The following BIRC3 variants were observed in gnomAD, a reference collection of about 807,000 sequenced individuals.
The protein encoded by BIRC3 is baculoviral IAP repeat-containing protein 3.
BIRC3 carries 26 observed loss-of-function variants against 59.0 expected under a neutral mutation model. That is an observed-to-expected ratio of 0.44 (90% CI 0.32 to 0.61). The LOEUF is 0.61. Among genes scored for constraint, BIRC3 ranks in the 20% least tolerant of loss-of-function variants. The pLI is 0.04. For missense variants in BIRC3, 641 were observed against 711.5 expected (o/e 0.90, Z 1.13); for synonymous variants, 243 against 249.2 (o/e 0.98, Z 0.24).
intron 5 of BIRC3, 149 bp downstream of exon 5, chr11:102,329,094 C>A: frequency 5.2e-6 from 2 of 381,652 alleles, no homozygotes; most frequent in South Asian, 4.4e-5. Context: ...ATTTCCCAAA[C>A]TTCAGTGCAT....
intron 3 of BIRC3, among the ~76,000 whole-genome samples, chr11:102,326,031 T>C (rs1447600240): frequency 1.3e-5 from 2 of 152,156 alleles, no homozygotes; most frequent in Non-Finnish European, 2.9e-5. Flanking sequence ...ATATTATATC[T>C]AGTTTTGAAG....
Position 102,336,197 on chromosome 11 carries a change from C to T in BIRC3, c.1556C>T (p.Ala519Val). Residue 519 changes from alanine (A) to valine (V), a missense_variant, in exon 7 of 9, where the codon GCT (alanine) becomes GTT (valine). Around this residue, in one of 4 missense-constraint regions of BIRC3, gnomAD observed 268 missense variants for 255.7 expected, o/e 1.05. Coordinates refer to ENST00000263464, the MANE Select transcript of BIRC3 (RefSeq NM_001165.5). ...VFRNSLQEAE[A>V]VLYEHLFVQQ... ...AGAAACTCTCTGCAAGAAGCTGAAG[C>T]TGTGTTATATGAGCATTTATTTGGT... 2 of 1,611,494 alleles carry T rather than the reference C, an allele frequency of 1.2e-6. No homozygotes were observed. The highest frequency in any genetic ancestry group is 1.1e-5 in the South Asian group (1 of 90,412).
At chr11:102,335,148 A>C (rs1951183057) in intron 6 of BIRC3, among the ~76,000 whole-genome samples, 1 of 152,232 alleles carries the variant, frequency 6.6e-6, no homozygotes, top group Non-Finnish European at 1.5e-5. Context: ...AGGCTCAGGC[A>C]CAAAAATAGC....
In BIRC3 at chr11:102,324,502, A is replaced by G; in HGVS notation, c.-8A>G. 6.3e-7 allele frequency: 1 copy of G among 1,594,682 alleles called. No individual in the cohort carries two copies. Among genetic ancestry groups the G allele is most frequent in the Non-Finnish European group, 8.5e-7 (1 of 1,169,818 alleles). On this transcript the variant is annotated 5_prime_UTR_variant, in exon 2 of 9. Transcript: ENST00000263464. Reference sequence around the variant, plus strand: ...GGCTAGTCCCTTTTCTTCCCCATTCATTTCATTATGAACATAGTAGAAAAC... The same window carrying G: ...GGCTAGTCCCTTTTCTTCCCCATTCGTTTCATTATGAACATAGTAGAAAAC...
intron 5 of BIRC3, among the ~76,000 whole-genome samples, chr11:102,329,606 C>T (rs1037963585): frequency 1.3e-5 from 2 of 152,054 alleles, no homozygotes; most frequent in Non-Finnish European, 2.9e-5. Context: ...TACTATGCAG[C>T]CATAAAAAGG....
intron 1 of BIRC3, among the ~76,000 whole-genome samples, chr11:102,321,238 T>A (rs1433753559): frequency 6.6e-6 from 1 of 152,214 alleles, no homozygotes; most frequent in Admixed American, 6.5e-5. Context: ...TTTGTAAGCT[T>A]TCTCTAAGTA....
chr11:102,330,988 G>T lies in BIRC3; in HGVS notation c.1082-11G>T, dbSNP rs1361758832. On this transcript the variant is annotated splice_polypyrimidine_tract_variant and intron_variant, in intron 5 of 8. Coordinates refer to ENST00000263464, the MANE Select transcript of BIRC3 (RefSeq NM_001165.5). The stretch of plus-strand genomic sequence containing the variant: ...TATCCTAATATGTGTTAAATTCTTT[G>T]TTCCATATAGTTATCCATTTTGAAC... 3.1e-6 allele frequency: 5 copies of T among 1,593,782 alleles called. No homozygotes were observed. The highest frequency in any genetic ancestry group is 4.3e-6 in the Non-Finnish European group (5 of 1,172,760).
At chr11:102,328,967 G>A (rs774016826) in intron 5 of BIRC3, 22 bp downstream of exon 5, 10 of 1,385,294 alleles carry the variant, frequency 7.2e-6, no homozygotes, top group South Asian at 1.4e-5. Flanking sequence ...GGATAATAAT[G>A]AATGCATTTA....
intron 6 of BIRC3, among the ~76,000 whole-genome samples, chr11:102,334,816 C>T (rs1459719614): frequency 6.6e-6 from 1 of 152,042 alleles, no homozygotes; most frequent in South Asian, 2.1e-4. Flanking sequence ...AGAAGGTAGT[C>T]GTTGACAAAT....
chr11:102,337,480 T>G lies in BIRC3; in HGVS notation c.*378T>G, dbSNP rs1951208915. 5.0e-6 allele frequency: 2 copies of G among 396,040 alleles called. No homozygotes were observed. The highest frequency in any genetic ancestry group is 4.4e-5 in the Admixed American group (1 of 22,576). The allele number at this position is 396,040 out of a possible 1,614,324, so 24.5% of individuals were successfully genotyped here. On this transcript the variant is annotated 3_prime_UTR_variant, in exon 9 of 9. Transcript: ENST00000263464. ...GAAGCCAGGTGTGGTGGTATGTGCC[T>G]GTAGTCCCAGGCTGAGGCAAGAGAA...
At position 102,337,132 on chromosome 11, in the gene BIRC3, G is replaced by A; in HGVS notation, c.*30G>A. ...GAACCAAAACATCGTCTAAACTTTA[G>A]AATTAATTTATTAAATGTATTATAA... On this transcript the variant is annotated 3_prime_UTR_variant, in exon 9 of 9. Transcript: ENST00000263464. 7.2e-7 allele frequency: 1 copy of A among 1,385,004 alleles called. No homozygotes were observed. Among genetic ancestry groups the A allele is most frequent in the South Asian group, 1.8e-5 (1 of 54,486 alleles). 85.8% of individuals were successfully genotyped at this position (1,385,004 alleles called of 1,614,324 possible).
intron 4 of BIRC3, 97 bp from the exon 5 acceptor site, chr11:102,328,800 A>G: frequency 2.3e-6 from 1 of 430,032 alleles, no homozygotes; most frequent in Non-Finnish European, 3.5e-6. Context: ...AAGTTGAATA[A>G]AATATGTCTG....
intron 6 of BIRC3, among the ~76,000 whole-genome samples, chr11:102,331,841 A>C (rs1951145331): frequency 6.6e-6 from 1 of 152,068 alleles, no homozygotes; most frequent in Non-Finnish European, 1.5e-5. Context: ...GGATTTCTCC[A>C]TGTTGGCCAC....
intron 5 of BIRC3, among the ~76,000 whole-genome samples, chr11:102,330,021 C>T (rs1178276649): frequency 6.6e-6 from 1 of 152,060 alleles, no homozygotes; most frequent in Non-Finnish European, 1.5e-5. Context: ...GACAAATACA[C>T]AGACAGGAGA....
intron 6 of BIRC3, among the ~76,000 whole-genome samples, chr11:102,335,555 G>A (rs2135792111): frequency 6.6e-6 from 1 of 152,290 alleles, no homozygotes; most frequent in East Asian, 1.9e-4. Flanking sequence ...ACCTCAAAGA[G>A]CTGTTGTGAA....
rs11225215 is a variant in BIRC3 at position 102,336,364 on chromosome 11, G to A, written c.1579+144G>A. On this transcript the variant is annotated intron_variant, in intron 7 of 8. Coordinates refer to ENST00000263464, the MANE Select transcript of BIRC3 (RefSeq NM_001165.5). ...CCTAACACCTTGGGAGGCTGAGGCA[G>A]GTGGATTGCTTGAGCCCAGGAGTTT... is the stretch of plus-strand genomic sequence containing the variant. 5.4e-3 allele frequency: 5,166 copies of A among 959,262 alleles called. 157 individuals are homozygous for A. The African/African-American group carries it at 0.075, about 14-fold the overall frequency. The allele number at this position is 959,262 out of a possible 1,614,324, so 59.4% of individuals were successfully genotyped here.
chr11:102,339,210 G>T lies in BIRC3; in HGVS notation c.*2108G>T, dbSNP rs77617947. On this transcript the variant is annotated 3_prime_UTR_variant, in exon 9 of 9. Coordinates refer to ENST00000263464, the MANE Select transcript of BIRC3 (RefSeq NM_001165.5). ...AGTAGGCACCCTTTTTGCACCATGT[G>T]TTTTTTTTTTTATCTAGTTCTTGTA... The T allele has an allele frequency of 2.5e-3, 464 of 182,372 alleles. 4 individuals carry two copies. The highest frequency in any genetic ancestry group is 9.3e-3 in the African/African-American group (390 of 41,746). The allele number at this position is 182,372 out of a possible 1,614,324, so 11.3% of individuals were successfully genotyped here. A position where few individuals can be genotyped will look rare whatever the true frequency, so the allele number is the denominator to read the frequency against.
At chr11:102,328,854 T>C (rs1400185206) in intron 4 of BIRC3, 43 bp from the exon 5 acceptor site, 3 of 738,490 alleles carry the variant, frequency 4.1e-6, no homozygotes, top group Non-Finnish European at 5.3e-6. Flanking sequence ...ATTTCTATTT[T>C]AATTTATATA....
chr11:102,325,611 A>T (rs367836273), intron 3 of BIRC3, 46 bp downstream of exon 3: 158 of 1,561,256 alleles, frequency 1.0e-4, no homozygotes, highest in Non-Finnish European at 1.3e-4. Flanking sequence ...GATTATCATG[A>T]GATTGCTTAT....
Sources: allele counts gnomAD v4.1 joint callset (sites outside exome capture counted in the v4.1 genomes callset), GRCh38; gene constraint gnomAD v4.1.1; regional missense constraint gnomAD v4.1.1; transcripts MANE v1.5; gene names NCBI Gene and HGNC (gene_info 2026-07-23, HGNC 2026-07-21).